The following AGMO variants were observed in gnomAD, a reference collection of about 807,000 sequenced individuals.
AGMO encodes alkylglycerol monooxygenase, also known as glyceryl-ether monooxygenase.
AGMO carries 75 observed loss-of-function variants against 60.2 expected under a neutral mutation model. The observed-to-expected ratio is 1.25, with a 90% CI of 1.03 to 1.51. AGMO has a LOEUF of 1.51. Ranked by LOEUF, AGMO falls within the 40% of genes most tolerant of loss-of-function variation. AGMO has a pLI of 0.00. For synonymous variants in AGMO, 261 were observed against 177.1 expected (o/e 1.47, Z -3.76); for missense variants, 763 against 525.5 (o/e 1.45, Z -4.42).
chr7:15,343,638 CTT>C (rs1781935219), intron 12 of AGMO, among the ~76,000 whole-genome samples: 1 of 152,140 alleles, frequency 6.6e-6, no homozygotes, highest in Non-Finnish European at 1.5e-5. Flanking sequence ...TTACCAACCT[CTT>C]TGCTTCATCT....
intron 12 of AGMO, among the ~76,000 whole-genome samples, chr7:15,220,566 A>AT (rs1311207662): frequency 6.6e-6 from 1 of 151,966 alleles, no homozygotes; most frequent in African/African-American, 2.4e-5. Flanking sequence ...AATTGTTCCT[A>AT]TTTAAAGTGC....
At chr7:15,365,990 C>A in intron 11 of AGMO, 150 bp downstream of exon 11, 2 of 578,590 alleles carry the variant, frequency 3.5e-6, no homozygotes, top group Admixed American at 3.4e-5. Context: ...ATATAGTTAA[C>A]TTCTCTAAAA....
In AGMO at chr7:15,232,988, G is replaced by A. The variant is rs931058515; in HGVS notation, c.1264-31629C>T. Among the ~76,000 whole-genome samples the A allele has an allele frequency of 2.6e-5, 4 of 152,024 alleles. No individual in the cohort carries two copies. The East Asian group carries it at 7.7e-4, about 29-fold the overall frequency. On this transcript the variant is annotated intron_variant, in intron 12 of 12. Coordinates refer to ENST00000342526, the MANE Select transcript of AGMO (RefSeq NM_001004320.2). ...AAAGCATTTTAAAGAGTAAACAGAG[G>A]CTATAAAATATAAAATGATTGCATA...
chr7:15,183,788 C>T, the AGMO span, among the ~76,000 whole-genome samples: 4 of 152,068 alleles, frequency 2.6e-5, no homozygotes, highest in Admixed American at 2.0e-4. Flanking sequence ...AAAATTAAAC[C>T]TTTAAGCATC....
rs1313528791 is a variant in AGMO at position 15,354,356 on chromosome 7, A to ACG, written c.1263+11156_1263+11157dup. Among the ~76,000 whole-genome samples, 13 of 84,258 alleles carry ACG rather than the reference A, an allele frequency of 1.5e-4. 3 individuals carry two copies. Among genetic ancestry groups the ACG allele is most frequent in the East Asian group, 4.4e-4 (1 of 2,264 alleles). The allele number at this position is 84,258 out of a possible 152,430, so 55.3% of individuals were successfully genotyped here. On this transcript the variant is annotated intron_variant, in intron 12 of 12. Coordinates refer to ENST00000342526, the MANE Select transcript of AGMO (RefSeq NM_001004320.2). Reference sequence around the variant, plus strand: ...CGTGTATATACACGCGTGTATATAGACGTGTGTATATAGACGTGTGTATAC... The same window carrying ACG: ...CGTGTATATACACGCGTGTATATAGACGCGTGTGTATATAGACGTGTGTATAC...
chr7:15,155,046 G>T, the AGMO span, among the ~76,000 whole-genome samples: 2 of 152,006 alleles, frequency 1.3e-5, no homozygotes, highest in Non-Finnish European at 2.9e-5. Flanking sequence ...CTTTCACATT[G>T]ACTTTGTAGA....
Position 15,372,505 on chromosome 7 carries a change from T to C in AGMO, c.1075-6283A>G, listed in dbSNP as rs1315726797. On this transcript the variant is annotated intron_variant, in intron 10 of 12. Transcript: ENST00000342526. ...TACAAATTCATTCCATGAATATATA[T>C]TGAATATGTGCTGGGCACTATGGTA... Among the ~76,000 whole-genome samples, 2 of 152,128 alleles carry C rather than the reference T, an allele frequency of 1.3e-5. 1 individual carries two copies. The highest frequency in any genetic ancestry group is 4.8e-5 in the African/African-American group (2 of 41,412).
chr7:15,527,702 T>C (rs940983945), intron 3 of AGMO, among the ~76,000 whole-genome samples: 2 of 152,156 alleles, frequency 1.3e-5, no homozygotes, highest in Non-Finnish European at 2.9e-5. Flanking sequence ...AGTTAGAAGT[T>C]TGAAAGCTTC....
chr7:15,347,424 T>C (rs1337322320), intron 12 of AGMO, among the ~76,000 whole-genome samples: 1 of 152,088 alleles, frequency 6.6e-6, no homozygotes, highest in African/African-American at 2.4e-5. Flanking sequence ...TGTTTAAACA[T>C]GCTTCTTTAA....
At chr7:15,419,378 T>C (rs1780866332) in intron 4 of AGMO, among the ~76,000 whole-genome samples, 1 of 151,988 alleles carries the variant, frequency 6.6e-6, no homozygotes, top group Non-Finnish European at 1.5e-5. Context: ...AGTGGTTTCA[T>C]GCTGGAAAGA....
chr7:15,181,513 C>A, the AGMO span, among the ~76,000 whole-genome samples: 1 of 152,158 alleles, frequency 6.6e-6, no homozygotes, highest in East Asian at 1.9e-4. Flanking sequence ...TCATTTCCCT[C>A]TTATTCTACT....
At chr7:15,502,445 T>G (rs746679003) in intron 3 of AGMO, among the ~76,000 whole-genome samples, 5 of 151,920 alleles carry the variant, frequency 3.3e-5, no homozygotes, top group Non-Finnish European at 5.9e-5. Flanking sequence ...ACAATGGACC[T>G]CTTAAAATTA....
chr7:15,380,753 G>A (rs1231294981), intron 10 of AGMO, among the ~76,000 whole-genome samples: 1 of 152,026 alleles, frequency 6.6e-6, no homozygotes, highest in South Asian at 2.1e-4. Flanking sequence ...AACAAAGCTG[G>A]GGACATAACA....
chr7:15,315,903 G>A (rs1422126152), intron 12 of AGMO, among the ~76,000 whole-genome samples: 1 of 152,056 alleles, frequency 6.6e-6, no homozygotes, highest in African/African-American at 2.4e-5. Flanking sequence ...CATCAATTTA[G>A]TAAATGTTAA....
intron 12 of AGMO, among the ~76,000 whole-genome samples, chr7:15,336,394 A>G (rs1781660990): frequency 6.6e-6 from 1 of 151,910 alleles, no homozygotes; most frequent in African/African-American, 2.4e-5. Context: ...GTACTTTTCT[A>G]TAAAATCGGT....
At chr7:15,218,327 A>ATGTGTGTGTATGTGTGTG (rs1554396503) in intron 12 of AGMO, among the ~76,000 whole-genome samples, 14 of 144,020 alleles carry the variant, frequency 9.7e-5, no homozygotes, top group African/African-American at 3.6e-4. Flanking sequence ...TGGTGTGTGT[A>ATGTGTGTGTATGTGTGTG]TGTGTGTGTG....
rs189537701 is a variant in AGMO at position 15,365,742 on chromosome 7, C to A, written c.1158-123G>T. On this transcript the variant is annotated intron_variant, in intron 11 of 12. Coordinates refer to ENST00000342526, the MANE Select transcript of AGMO (RefSeq NM_001004320.2). ...CTAGTATTTTAATATATTTGAAAAG[C>A]ATGTCCCCTGAAGCAATTTGAAAAC... is the stretch of plus-strand genomic sequence containing the variant. The A allele has an allele frequency of 1.2e-5, 8 of 693,892 alleles. No individual in the cohort carries two copies. In the East Asian group the frequency reaches 1.4e-4, roughly 12 times the overall value. 43.0% of individuals were successfully genotyped at this position (693,892 alleles called of 1,614,324 possible).
chr7:15,302,173 G>T (rs1027473470), intron 12 of AGMO, among the ~76,000 whole-genome samples: 2 of 152,072 alleles, frequency 1.3e-5, no homozygotes, highest in South Asian at 2.1e-4. Flanking sequence ...GTACTTATTA[G>T]ATTTTTAAGG....
chr7:15,295,104 A>G (rs182755299), intron 12 of AGMO, among the ~76,000 whole-genome samples: 1 of 152,062 alleles, frequency 6.6e-6, no homozygotes, highest in Non-Finnish European at 1.5e-5. Context: ...AACAGTTAAT[A>G]AAAACATCCA....
Sources: allele counts gnomAD v4.1 joint callset (sites outside exome capture counted in the v4.1 genomes callset), GRCh38; gene constraint gnomAD v4.1.1; transcripts MANE v1.5; gene names NCBI Gene and HGNC (gene_info 2026-07-23, HGNC 2026-07-21).